Variants in DPF3 observed in about 807,000 individuals in gnomAD.
DPF3 encodes zinc finger protein DPF3.
A neutral mutation model predicts 56.8 loss-of-function variants in DPF3; 18 were observed. The observed-to-expected ratio is 0.32, with a 90% CI of 0.22 to 0.47. The LOEUF is 0.47. DPF3 is among the 20% of genes least tolerant of loss of function. The pLI is 1.00. For missense variants in DPF3, 403 were observed against 488.8 expected (o/e 0.82, Z 1.65); for synonymous variants, 188 against 180.2 (o/e 1.04, Z -0.35).
In DPF3 at chr14:72,755,307, C is replaced by T. The variant is rs144533896; in HGVS notation, c.194-1936G>A. ...AGCAGTCACTGTGCTTGGTGGTCAG[C>T]GGTACCAGAGAAGCCCCAGGCCACT... On this transcript the variant is annotated intron_variant, in intron 2 of 10. Coordinates refer to ENST00000556509, the MANE Select transcript of DPF3 (RefSeq NM_001280542.3). Among the ~76,000 whole-genome samples the T allele has an allele frequency of 4.6e-5, 7 of 152,254 alleles. No homozygotes were observed. The East Asian group carries it at 7.7e-4, about 17-fold the overall frequency.
intron 1 of DPF3, among the ~76,000 whole-genome samples, chr14:72,875,252 C>T (rs1271991391): frequency 6.6e-6 from 1 of 152,066 alleles, no homozygotes; most frequent in Non-Finnish European, 1.5e-5. Flanking sequence ...ACTAAAAATA[C>T]AAAAATTAAC....
intron 7 of DPF3, among the ~76,000 whole-genome samples, chr14:72,680,162 T>A (rs1451099617): frequency 1.3e-5 from 2 of 152,242 alleles, no homozygotes; most frequent in Non-Finnish European, 2.9e-5. Flanking sequence ...AAAGGGAGCA[T>A]CAAAGCCGGG....
intron 1 of DPF3, among the ~76,000 whole-genome samples, chr14:72,783,205 C>T (rs1433238230): frequency 6.6e-6 from 1 of 152,076 alleles, no homozygotes; most frequent in Non-Finnish European, 1.5e-5. Flanking sequence ...CCTGCCCTAC[C>T]CTTTGCTATC....
At chr14:72,661,287 T>C in intron 8 of DPF3, 4 of 985,378 alleles carry the variant, frequency 4.1e-6, no homozygotes, top group Non-Finnish European at 4.8e-6. Flanking sequence ...CCAACAGGAC[T>C]GGCTTTGAAC....
chr14:72,888,503 A>G (rs1027006884), intron 1 of DPF3, among the ~76,000 whole-genome samples: 6 of 152,184 alleles, frequency 3.9e-5, no homozygotes, highest in African/African-American at 1.4e-4. Context: ...CAGTCACTCA[A>G]ACAACTAGAA....
chr14:72,773,380 C>T (rs979597849), intron 1 of DPF3, among the ~76,000 whole-genome samples: 2 of 152,068 alleles, frequency 1.3e-5, no homozygotes, highest in African/African-American at 2.4e-5. Flanking sequence ...GCGATCCACC[C>T]GCCTCAGCCT....
chr14:72,890,795 G>A (rs1220342765), intron 1 of DPF3, among the ~76,000 whole-genome samples: 1 of 152,190 alleles, frequency 6.6e-6, no homozygotes, highest in Admixed American at 6.5e-5. Flanking sequence ...CTGCTTGGTT[G>A]TGGGGGCCAC....
chr14:72,695,714 G>C (rs1310560515), intron 6 of DPF3, among the ~76,000 whole-genome samples: 1 of 152,162 alleles, frequency 6.6e-6, no homozygotes, highest in African/African-American at 2.4e-5. Flanking sequence ...AGGGAAGGAA[G>C]AGGGCAAGGC....
chr14:72,639,751 C>G (rs1342842278), intron 8 of DPF3, among the ~76,000 whole-genome samples: 3 of 152,126 alleles, frequency 2.0e-5, no homozygotes, highest in Non-Finnish European at 4.4e-5. Flanking sequence ...GGGCCAGAGG[C>G]ACCCAGATAA....
At chr14:72,708,997 A>G (rs1313306866) in intron 6 of DPF3, among the ~76,000 whole-genome samples, 3 of 152,122 alleles carry the variant, frequency 2.0e-5, no homozygotes, top group African/African-American at 7.2e-5. Flanking sequence ...GAGGTGTAGA[A>G]CCAGGACTAA....
chr14:72,746,559 G>A (rs2139887769), intron 3 of DPF3, among the ~76,000 whole-genome samples: 1 of 152,324 alleles, frequency 6.6e-6, no homozygotes, highest in Admixed American at 6.5e-5. Flanking sequence ...GCTCTGCCAT[G>A]TGACAGTCAC....
At position 72,719,069 on chromosome 14, in the gene DPF3, C is replaced by CTT. The variant is rs71448401; in HGVS notation, c.525+4562_525+4563dup. Among the ~76,000 whole-genome samples, 294 of 100,684 alleles carry CTT rather than the reference C, an allele frequency of 2.9e-3. 5 individuals carry two copies. The highest frequency in any genetic ancestry group is 0.01 in the African/African-American group (268 of 26,142). 66.1% of individuals were successfully genotyped at this position (100,684 alleles called of 152,430 possible). A position where few individuals can be genotyped will look rare whatever the true frequency, so the allele number is the denominator to read the frequency against. On this transcript the variant is annotated intron_variant, in intron 5 of 10. Coordinates refer to ENST00000556509, the MANE Select transcript of DPF3 (RefSeq NM_001280542.3). ...ACAGGTGTGAGCCACCGTGCCAGGCCTTTTTTTTTTTTTTTTTTGAGATGG... is the reference window on the plus strand; with the variant it reads ...ACAGGTGTGAGCCACCGTGCCAGGCCTTTTTTTTTTTTTTTTTTTTGAGATGG...
chr14:72,701,496 C>G (rs932124989), intron 6 of DPF3, among the ~76,000 whole-genome samples: 6 of 152,210 alleles, frequency 3.9e-5, no homozygotes, highest in Admixed American at 2.0e-4. Flanking sequence ...AAAATATTTA[C>G]TGCACGCCCC....
At chr14:72,831,546 CAG>C (rs1322058721) in intron 1 of DPF3, among the ~76,000 whole-genome samples, 1 of 152,160 alleles carries the variant, frequency 6.6e-6, no homozygotes, top group East Asian at 1.9e-4. Context: ...GCTTCAAGAA[CAG>C]GGGATCCAAG....
chr14:72,791,600 G>A (rs1892434720), intron 1 of DPF3, among the ~76,000 whole-genome samples: 2 of 152,220 alleles, frequency 1.3e-5, no homozygotes, highest in African/African-American at 4.8e-5. Flanking sequence ...CCCCTCAGAT[G>A]ATGTCCTGGT....
chr14:72,714,861 A>G (rs1460908376), intron 5 of DPF3, among the ~76,000 whole-genome samples: 2 of 152,016 alleles, frequency 1.3e-5, no homozygotes, highest in Admixed American at 6.6e-5. Flanking sequence ...ATTCCCACAC[A>G]CTACCGTGCC....
At chr14:72,673,215 G>T (rs1886766886) in intron 8 of DPF3, among the ~76,000 whole-genome samples, 1 of 152,218 alleles carries the variant, frequency 6.6e-6, no homozygotes, top group Admixed American at 6.5e-5. Flanking sequence ...GGAAAGAGCT[G>T]AGTTGCTACA....
intron 7 of DPF3, among the ~76,000 whole-genome samples, chr14:72,688,214 G>GTGGATGGA (rs1237171034): frequency 5.5e-5 from 7 of 126,644 alleles, no homozygotes; most frequent in Admixed American, 1.6e-4. Flanking sequence ...GGGTGTGTGG[G>GTGGATGGA]TGGATGGATG....
At chr14:72,771,668 G>T in intron 2 of DPF3, 65 bp downstream of exon 2, 1 of 1,534,916 alleles carries the variant, frequency 6.5e-7, no homozygotes, top group Non-Finnish European at 8.8e-7. Flanking sequence ...CAGACAAGCT[G>T]CGGTCCTCCT....
Sources: gnomAD v4.1 joint callset for allele counts (sites outside exome capture counted in the v4.1 genomes callset) on GRCh38, gnomAD v4.1.1 for gene constraint, MANE v1.5 for transcripts, NCBI Gene and HGNC (gene_info 2026-07-23, HGNC 2026-07-21) for gene names.